MGLL: variants seen among roughly 807,000 people sequenced by gnomAD.
The protein encoded by MGLL is monoglyceride lipase.
In MGLL, 7 loss-of-function variants were observed where a neutral mutation model predicts 29.1. That is an observed-to-expected ratio of 0.24 (90% CI 0.14 to 0.45). The LOEUF is 0.45. Ranked by LOEUF, MGLL falls within the 20% of genes least tolerant of loss-of-function variation. The pLI is 0.99. For synonymous variants in MGLL, 148 were observed against 168.3 expected (o/e 0.88, Z 0.93); for missense variants, 356 against 413.6 (o/e 0.86, Z 1.21).
At chr3:127,743,809 T>C (rs929031508) in intron 3 of MGLL, among the ~76,000 whole-genome samples, 2 of 152,158 alleles carry the variant, frequency 1.3e-5, no homozygotes, top group Non-Finnish European at 2.9e-5. Context: ...TCACAGCTTG[T>C]TGGCCTGGAA....
At chr3:127,781,957 A>G (rs1274933922) in intron 2 of MGLL, 62 bp from the exon 3 acceptor site, 49 of 1,500,340 alleles carry the variant, frequency 3.3e-5, no homozygotes, top group Non-Finnish European at 2.9e-5. Flanking sequence ...GCGGTGGCTC[A>G]TGCCTACAAT....
At chr3:127,707,798 C>T (rs1447342217) in intron 6 of MGLL, among the ~76,000 whole-genome samples, 2 of 152,202 alleles carry the variant, frequency 1.3e-5, no homozygotes, top group African/African-American at 2.4e-5. Context: ...TTCACACATG[C>T]GGCGAGAATG....
At chr3:127,819,253 G>A (rs1437444662) in intron 2 of MGLL, among the ~76,000 whole-genome samples, 1 of 152,190 alleles carries the variant, frequency 6.6e-6, no homozygotes, top group African/African-American at 2.4e-5. Flanking sequence ...TCCTCTGGGG[G>A]CAATATGTCT....
intron 2 of MGLL, among the ~76,000 whole-genome samples, chr3:127,789,258 T>C (rs2077262817): frequency 1.3e-5 from 2 of 152,100 alleles, no homozygotes; most frequent in Non-Finnish European, 2.9e-5. Flanking sequence ...CTGCTGTGGA[T>C]CATCCCCTGT....
At chr3:127,734,733 C>T (rs1239849553) in intron 3 of MGLL, among the ~76,000 whole-genome samples, 1 of 152,230 alleles carries the variant, frequency 6.6e-6, no homozygotes, top group Non-Finnish European at 1.5e-5. Flanking sequence ...AGTTTATTCC[C>T]CTCAGCCCAG....
At chr3:127,771,064 G>T (rs1222298281) in intron 3 of MGLL, among the ~76,000 whole-genome samples, 1 of 152,212 alleles carries the variant, frequency 6.6e-6, no homozygotes, top group Non-Finnish European at 1.5e-5. Context: ...TATGCTGCTT[G>T]TCCCTGATTA....
intron 3 of MGLL, among the ~76,000 whole-genome samples, chr3:127,766,225 T>C (rs1227058268): frequency 6.6e-6 from 1 of 152,158 alleles, no homozygotes; most frequent in Non-Finnish European, 1.5e-5. Flanking sequence ...CAACTACTTT[T>C]GCTTTTGAAG....
chr3:127,724,012 T>C (rs2075985838), intron 3 of MGLL, among the ~76,000 whole-genome samples: 1 of 152,186 alleles, frequency 6.6e-6, no homozygotes, highest in Non-Finnish European at 1.5e-5. Flanking sequence ...TATGTGAAGA[T>C]GCAGGGAGAT....
intron 5 of MGLL, chr3:127,713,295 C>G (rs923422361): frequency 6.6e-6 from 1 of 152,238 alleles, no homozygotes; most frequent in African/African-American, 2.4e-5. Flanking sequence ...TTTAAAGTTC[C>G]CTAGTGATCC....
At chr3:127,789,429 C>T (rs1049256722) in intron 2 of MGLL, among the ~76,000 whole-genome samples, 11 of 152,188 alleles carry the variant, frequency 7.2e-5, no homozygotes, top group African/African-American at 1.7e-4. Flanking sequence ...TATTTTGGGG[C>T]GGGTGAGATG....
chr3:127,778,993 G>A (rs1391269319), intron 3 of MGLL, among the ~76,000 whole-genome samples: 3 of 152,122 alleles, frequency 2.0e-5, no homozygotes, highest in Non-Finnish European at 4.4e-5. Flanking sequence ...GGCCTCAAGC[G>A]ATCCTCCCAC....
intron 5 of MGLL, among the ~76,000 whole-genome samples, chr3:127,717,224 C>T (rs2075833215): frequency 6.6e-6 from 1 of 152,154 alleles, no homozygotes; most frequent in African/African-American, 2.4e-5. Context: ...ACTTGTTTCC[C>T]CTCCCTCCCT....
At chr3:127,709,319 G>A (rs1012388170) in intron 6 of MGLL, among the ~76,000 whole-genome samples, 3 of 152,202 alleles carry the variant, frequency 2.0e-5, no homozygotes, top group Admixed American at 6.5e-5. Flanking sequence ...TTAAATTAAT[G>A]TGGATGGGTT....
chr3:127,749,448 C>T (rs1355244103), intron 3 of MGLL, among the ~76,000 whole-genome samples: 1 of 152,184 alleles, frequency 6.6e-6, no homozygotes, highest in Non-Finnish European at 1.5e-5. Flanking sequence ...AATTCAGATA[C>T]CATTCATTAT....
At chr3:127,817,965 C>G (rs1227827910) in intron 2 of MGLL, among the ~76,000 whole-genome samples, 1 of 152,140 alleles carries the variant, frequency 6.6e-6, no homozygotes, top group Admixed American at 6.6e-5. Context: ...GTATCCCCCC[C>G]TTTTTCTTTT....
At chr3:127,738,739 G>A (rs2076287145) in intron 3 of MGLL, among the ~76,000 whole-genome samples, 1 of 152,226 alleles carries the variant, frequency 6.6e-6, no homozygotes, top group East Asian at 1.9e-4. Context: ...CGGCAGGGTG[G>A]TGTGAGGGGC....
chr3:127,698,870 G>T (rs72973305), intron 6 of MGLL, among the ~76,000 whole-genome samples: 4 of 152,098 alleles, frequency 2.6e-5, no homozygotes, highest in Admixed American at 2.6e-4. Flanking sequence ...CTCTCACACC[G>T]CCACCTTCCT....
chr3:127,733,469 AC>A (rs1165490369), intron 3 of MGLL, among the ~76,000 whole-genome samples: 1 of 151,942 alleles, frequency 6.6e-6, no homozygotes, highest in Non-Finnish European at 1.5e-5. Context: ...AGATCCAGGA[AC>A]CCTCTCTTGG....
intron 2 of MGLL, among the ~76,000 whole-genome samples, chr3:127,802,180 A>G (rs992225492): frequency 6.6e-6 from 1 of 152,198 alleles, no homozygotes; most frequent in Non-Finnish European, 1.5e-5. Flanking sequence ...ACCACACAGC[A>G]CAGGCCTGCT....
Sources: gnomAD v4.1 joint callset for allele counts (sites outside exome capture counted in the v4.1 genomes callset) on GRCh38, gnomAD v4.1.1 for gene constraint, MANE v1.5 for transcripts, NCBI Gene and HGNC (gene_info 2026-07-23, HGNC 2026-07-21) for gene names.